The following JPH3 variants were observed in gnomAD, a reference collection of about 807,000 sequenced individuals.
JPH3 encodes junctophilin-3.
A neutral mutation model predicts 59.6 loss-of-function variants in JPH3; 11 were observed. The observed-to-expected ratio is 0.18, with a 90% CI of 0.12 to 0.31. The LOEUF (loss-of-function observed/expected upper bound fraction) is 0.31, where lower values mean the gene tolerates loss of function less well. Ranked by LOEUF, JPH3 falls within the 10% of genes least tolerant of loss-of-function variation. The pLI is 1.00. For synonymous variants in JPH3, 673 were observed against 483.6 expected, an observed-to-expected ratio of 1.39 and a Z score of -5.14; for missense variants, 1,202 against 1,105.7, an observed-to-expected ratio of 1.09 and a Z score of -1.24.
chr16:87,696,461 C>G (rs1437000850), intron 4 of JPH3, 119 bp from the exon 5 acceptor site: 1 of 804,732 alleles, frequency 1.2e-6, no homozygotes, highest in Admixed American at 1.9e-5. Flanking sequence ...AACATCCTCC[C>G]GTACGCTTCC....
chr16:87,617,227 A>T (rs1482155247), intron 1 of JPH3, among the ~76,000 whole-genome samples: 2 of 152,106 alleles, frequency 1.3e-5, no homozygotes, highest in African/African-American at 4.8e-5. Context: ...TGTCTCAAAA[A>T]ACAAACAAAC....
chr16:87,621,108 G>A (rs1376893420), intron 1 of JPH3, among the ~76,000 whole-genome samples: 3 of 152,192 alleles, frequency 2.0e-5, no homozygotes, highest in South Asian at 2.1e-4. Flanking sequence ...GCAGTGAGCC[G>A]AAATCGTGCC....
rs769549796 is a variant in JPH3 at position 87,690,425 on chromosome 16, C to T, written c.2065C>T (p.Arg689Trp). The T allele has an allele frequency of 1.3e-6, 2 of 1,498,946 alleles. No homozygotes were observed. The highest frequency in any genetic ancestry group is 8.9e-7 in the Non-Finnish European group (1 of 1,127,002). 92.9% of individuals were successfully genotyped at this position (1,498,946 alleles called of 1,614,324 possible). ...CCTGCGGCTGGGCGGGGCCGAGCCC[C>T]GGTTGCTGCGTTGGGACTTGACCTT... is the stretch of plus-strand genomic sequence containing the variant. ...ASLRLGGAEP[R>W]LLRWDLTFSP... The change falls in exon 4 of 5, where the codon CGG becomes TGG. Residue 689 changes from arginine (R) to tryptophan (W), a missense_variant. Arg to Trp is a moderately radical substitution (Grantham distance 101). Transcript: ENST00000284262.
chr16:87,605,100 T>A (rs535644339), intron 1 of JPH3: 2 of 357,684 alleles, frequency 5.6e-6, no homozygotes, highest in African/African-American at 4.2e-5. Context: ...GGGGCTGCTA[T>A]CACCCCCAGG....
rs148087684 is a variant in JPH3 at position 87,667,270 on chromosome 16, C to G, written c.1161-16872C>G. Among the ~76,000 whole-genome samples, 29 of 152,348 alleles carry G rather than the reference C, an allele frequency of 1.9e-4. No individual in the cohort carries two copies. In the East Asian group the frequency reaches 4.6e-3, roughly 24 times the overall value. ...CCGAGGATGCCCTCTTCTCAAGAGCCGTACCTTGATCTCATCTGCAGAGAT... is the reference window on the plus strand; with the variant it reads ...CCGAGGATGCCCTCTTCTCAAGAGCGGTACCTTGATCTCATCTGCAGAGAT... On this transcript the variant is annotated intron_variant, in intron 2 of 4. Coordinates refer to ENST00000284262, the MANE Select transcript of JPH3 (RefSeq NM_020655.4).
intron 1 of JPH3, among the ~76,000 whole-genome samples, chr16:87,621,769 G>T (rs1035311455): frequency 6.6e-6 from 1 of 152,208 alleles, no homozygotes; most frequent in African/African-American, 2.4e-5. Flanking sequence ...GGTTTGGGTG[G>T]GTGGTGGGGA....
At chr16:87,604,637 C>G (rs753275991) in intron 1 of JPH3, 122 of 1,183,052 alleles carry the variant, frequency 1.0e-4, no homozygotes, top group Non-Finnish European at 1.2e-4. Flanking sequence ...TACGTGTGCT[C>G]TAGTCCTCCC....
intron 1 of JPH3, among the ~76,000 whole-genome samples, chr16:87,609,693 G>A (rs372305894): frequency 7.2e-5 from 11 of 152,204 alleles, no homozygotes; most frequent in African/African-American, 2.7e-4. Context: ...AAGGCAGGCA[G>A]AGGAATGATT....
At position 87,616,737 on chromosome 16, in the gene JPH3, C is replaced by T. The variant is rs145189392; in HGVS notation, c.382+13209C>T. On this transcript the variant is annotated intron_variant, in intron 1 of 4. Coordinates refer to ENST00000284262, the MANE Select transcript of JPH3 (RefSeq NM_020655.4). ...ACACAGTCAGGATGGGGAGCACCCG[C>T]GCCCCGGGGTCCCTTGTGTTGCCCT... Among the ~76,000 whole-genome samples the T allele has an allele frequency of 5.8e-4, 89 of 152,262 alleles. 1 individual carries two copies. The highest frequency in any genetic ancestry group is 1.7e-3 in the African/African-American group (72 of 41,542).
chr16:87,610,568 G>C (rs754243224), intron 1 of JPH3, among the ~76,000 whole-genome samples: 1 of 152,116 alleles, frequency 6.6e-6, no homozygotes, highest in African/African-American at 2.4e-5. Flanking sequence ...TCATTATTTC[G>C]TATGCCTGTT....
rs528615339 is a variant in JPH3 at position 87,684,258 on chromosome 16, G to A, written c.1277G>A (p.Arg426Gln). The change falls in exon 3 of 5, where the codon CGG (arginine) becomes CAG (glutamine). Residue 426 changes from arginine (R) to glutamine (Q), a missense_variant. Arg to Gln is a conservative substitution (Grantham distance 43, BLOSUM62 1). Transcript: ENST00000284262. Reference sequence around the variant, plus strand: ...GAGTTCTCCCCTTCCTTCCAGCACCGGGAAAACGGTGAGTCTCGCCGGGCC... The same window carrying A: ...GAGTTCTCCCCTTCCTTCCAGCACCAGGAAAACGGTGAGTCTCGCCGGGCC... ...AKEFSPSFQHRENGLEYQRPK... is the reference protein window; with the variant it reads ...AKEFSPSFQHQENGLEYQRPK... 41 of 1,613,912 alleles carry A rather than the reference G, an allele frequency of 2.5e-5. No homozygotes were observed. In the East Asian group the frequency reaches 4.5e-4, roughly 18 times the overall value.
chr16:87,667,334 A>G (rs2032895572), intron 2 of JPH3, among the ~76,000 whole-genome samples: 3 of 152,224 alleles, frequency 2.0e-5, no homozygotes, highest in African/African-American at 4.8e-5. Flanking sequence ...GAGGATTAGG[A>G]CGTGGACCTA....
rs781163343 is a variant in JPH3 at position 87,644,861 on chromosome 16, C to G, written c.986C>G (p.Pro329Arg). ...CATGGCTACGGCTGCATGACCTTCC[C>G]GGACGGCACCAAGGAGGAGGGCAAG... ...RRHGYGCMTFPDGTKEEGKYK... is the reference protein window; with the variant it reads ...RRHGYGCMTFRDGTKEEGKYK... The change falls in exon 2 of 5, where the codon CCG becomes CGG. Residue 329 changes from proline to arginine, a missense_variant. Physicochemically the swap from Pro to Arg is moderately radical, Grantham distance 103 (BLOSUM62 -2). Transcript: ENST00000284262. 2 of 1,613,440 alleles carry G rather than the reference C, an allele frequency of 1.2e-6. No homozygotes were observed. The highest frequency in any genetic ancestry group is 1.7e-6 in the Non-Finnish European group (2 of 1,179,912).
intron 4 of JPH3, among the ~76,000 whole-genome samples, chr16:87,692,904 C>A (rs1271540262): frequency 6.6e-6 from 1 of 152,222 alleles, no homozygotes; most frequent in African/African-American, 2.4e-5. Flanking sequence ...CACTGACCAC[C>A]CCACTCTGTC....
At chr16:87,603,595 G>A in intron 1 of JPH3, 67 bp downstream of exon 1, 1 of 1,495,070 alleles carries the variant, frequency 6.7e-7, no homozygotes, top group Non-Finnish European at 8.9e-7. Context: ...CCCTTCTGTG[G>A]ATCTCTGGGG....
chr16:87,679,122 C>G (rs181928179), intron 2 of JPH3, among the ~76,000 whole-genome samples: 1 of 152,358 alleles, frequency 6.6e-6, no homozygotes, highest in African/African-American at 2.4e-5. Context: ...CATCCCCCAG[C>G]TGGCCAGGCT....
chr16:87,679,676 C>G (rs1172717081), intron 2 of JPH3, among the ~76,000 whole-genome samples: 3 of 152,236 alleles, frequency 2.0e-5, no homozygotes, highest in African/African-American at 7.2e-5. Context: ...TCCGTGTGTG[C>G]ACGTGTGGGT....
chr16:87,684,610 C>A (rs1486614933), intron 3 of JPH3: 2 of 277,724 alleles, frequency 7.2e-6, no homozygotes, highest in East Asian at 1.9e-4. Context: ...CTAGAACCTT[C>A]TGGGATGATG....
chr16:87,642,507 C>T (rs1332270174), intron 1 of JPH3, among the ~76,000 whole-genome samples: 3 of 152,210 alleles, frequency 2.0e-5, no homozygotes, highest in Admixed American at 6.5e-5. Flanking sequence ...ATGAAAACAG[C>T]GGTGGGACGA....
Sources: gnomAD v4.1 joint callset for allele counts (sites outside exome capture counted in the v4.1 genomes callset) on GRCh38, gnomAD v4.1.1 for gene constraint, MANE v1.5 for transcripts, NCBI Gene and HGNC (gene_info 2026-07-23, HGNC 2026-07-21) for gene names.